Variants in KIFAP3 observed in about 807,000 individuals in gnomAD.
The protein encoded by KIFAP3 is kinesin associated protein 3, also known as kinesin-associated protein 3.
KIFAP3 carries 68 observed loss-of-function variants against 106.5 expected under a neutral mutation model. That is an observed-to-expected ratio of 0.64 (90% CI 0.53 to 0.78). The LOEUF (loss-of-function observed/expected upper bound fraction) is 0.78. KIFAP3 is among the 30% of genes least tolerant of loss of function. The probability of loss-of-function intolerance (pLI) is 0.00; values close to 1 mark genes in which losing one functional copy is unlikely to be tolerated. For missense variants in KIFAP3, 780 were observed against 941.8 expected (o/e 0.83, Z 2.25); for synonymous variants, 320 against 311.5 (o/e 1.03, Z -0.29).
chr1:170,027,077 A>T (rs1357027961), intron 8 of KIFAP3, among the ~76,000 whole-genome samples: 1 of 135,720 alleles, frequency 7.4e-6, no homozygotes, highest in African/African-American at 2.8e-5. Flanking sequence ...CTGGAATGCA[A>T]TGCGTGACCT....
At chr1:169,961,377 T>C (rs1412269595) in intron 17 of KIFAP3, 142 bp from the exon 18 acceptor site, 1 of 573,896 alleles carries the variant, frequency 1.7e-6, no homozygotes, top group Non-Finnish European at 3.1e-6. Context: ...AGGATTATTT[T>C]ATATAATAGC....
rs549376665 is a variant in KIFAP3 at position 169,988,265 on chromosome 1, G to A, written c.1285-3575C>T. On this transcript the variant is annotated intron_variant, in intron 11 of 19. Coordinates refer to ENST00000361580, the MANE Select transcript of KIFAP3 (RefSeq NM_014970.4). Reference sequence around the variant, plus strand: ...AGTACTTAAAATGGACTATAAATGGGTCAAAATGGTGACAAAGATTTTACT... The same window carrying A: ...AGTACTTAAAATGGACTATAAATGGATCAAAATGGTGACAAAGATTTTACT... Among the ~76,000 whole-genome samples the A allele has an allele frequency of 3.7e-4, 56 of 152,016 alleles. 1 individual carries two copies. In the Middle Eastern group the frequency reaches 0.017, roughly 46 times the overall value.
At chr1:169,952,503 A>G (rs1288647590) in intron 19 of KIFAP3, among the ~76,000 whole-genome samples, 1 of 152,064 alleles carries the variant, frequency 6.6e-6, no homozygotes, top group Admixed American at 6.5e-5. Flanking sequence ...ACAAATATGT[A>G]TGTATGCATT....
At chr1:169,928,828 C>T (rs1470687546) in intron 19 of KIFAP3, among the ~76,000 whole-genome samples, 1 of 151,584 alleles carries the variant, frequency 6.6e-6, no homozygotes, top group Non-Finnish European at 1.5e-5. Flanking sequence ...GCAAATTTTG[C>T]CCCCTTAGTA....
At position 170,016,581 on chromosome 1, in the gene KIFAP3, C is replaced by T. The variant is rs762614965; in HGVS notation, c.1064G>A (p.Cys355Tyr). The T allele has an allele frequency of 2.5e-5, 40 of 1,601,694 alleles. No individual in the cohort carries two copies. The highest frequency in any genetic ancestry group is 3.3e-5 in the Non-Finnish European group (39 of 1,175,584). Residue 355 changes from cysteine to tyrosine, a missense_variant, in exon 10 of 20, where the codon TGT (cysteine) becomes TAT (tyrosine). Cys to Tyr is a radical substitution (Grantham distance 194). This residue lies in a region of KIFAP3 where 588 missense variants were observed against 678.9 expected (regional missense o/e 0.87). Transcript: ENST00000361580. The part of the protein sequence containing the change: ...IVEKLVKMIP[C>Y]EHEDLLNITL... ...GATATTCAGCAGGTCTTCATGCTCA[C>T]AAGGTATCATTTTCACCAGTTTTTC...
chr1:169,961,794 C>A (rs748630245), intron 17 of KIFAP3, among the ~76,000 whole-genome samples: 73 of 152,116 alleles, frequency 4.8e-4, no homozygotes, highest in Non-Finnish European at 7.9e-4. Context: ...AAAAATATTC[C>A]TTTCTCTAGC....
At position 169,961,379 on chromosome 1, in the gene KIFAP3, T is replaced by C. The variant is rs991006806; in HGVS notation, c.1984-144A>G. The C allele has an allele frequency of 2.8e-5, 16 of 569,812 alleles. No individual in the cohort carries two copies. In the African/African-American group the frequency reaches 2.8e-4, roughly 10 times the overall value. 35.3% of individuals were successfully genotyped at this position (569,812 alleles called of 1,614,324 possible). A position where few individuals can be genotyped will look rare whatever the true frequency, so the allele number is the denominator to read the frequency against. On this transcript the variant is annotated intron_variant, in intron 17 of 19. Transcript: ENST00000361580. ...CAAATACCTGTTCAGGATTATTTTATATAATAGCCAACAAAAAGCAATTAC... is the reference window on the plus strand; with the variant it reads ...CAAATACCTGTTCAGGATTATTTTACATAATAGCCAACAAAAAGCAATTAC...
In KIFAP3 at chr1:169,954,049, T is replaced by C; in HGVS notation, c.2235A>G (p.Gln745=). ...SPDFFNDYHL[Q]NGDVVGQHSF... ...AATGCTGCCCAACAACATCTCCATT[T>C]TGAAGGTGGTAATCATTGAAGAAAT... Residue 745 remains glutamine, a synonymous_variant, in exon 19 of 20, where the codon CAA becomes CAG. Transcript: ENST00000361580. 6.2e-7 allele frequency: 1 copy of C among 1,613,808 alleles called. No homozygotes were observed. Among genetic ancestry groups the C allele is most frequent in the Non-Finnish European group, 8.5e-7 (1 of 1,179,782 alleles).
At chr1:169,953,287 C>T (rs915346920) in intron 19 of KIFAP3, among the ~76,000 whole-genome samples, 4 of 151,734 alleles carry the variant, frequency 2.6e-5, no homozygotes, top group Admixed American at 6.6e-5. Flanking sequence ...TAATAAAATG[C>T]CATCTAGGGA....
chr1:170,069,170 A>G (rs2102170944), intron 1 of KIFAP3, among the ~76,000 whole-genome samples: 1 of 152,296 alleles, frequency 6.6e-6, no homozygotes, highest in Admixed American at 6.5e-5. Flanking sequence ...CTGACTCAAA[A>G]GACACAGAAA....
chr1:169,957,694 C>A (rs1049868454), intron 18 of KIFAP3, among the ~76,000 whole-genome samples: 1 of 151,660 alleles, frequency 6.6e-6, no homozygotes, highest in Admixed American at 6.6e-5. Context: ...GTGGTGTGAT[C>A]TTGGCACACT....
At chr1:169,944,665 A>G (rs1664330598) in intron 19 of KIFAP3, among the ~76,000 whole-genome samples, 1 of 152,166 alleles carries the variant, frequency 6.6e-6, no homozygotes, top group African/African-American at 2.4e-5. Context: ...CCATTGAGTG[A>G]CAGAACAGCT....
At chr1:170,039,813 C>G (rs920054486) in intron 3 of KIFAP3, among the ~76,000 whole-genome samples, 1 of 151,976 alleles carries the variant, frequency 6.6e-6, no homozygotes, top group Non-Finnish European at 1.5e-5. Flanking sequence ...AAAAGGCAAA[C>G]ATTTATTACG....
chr1:170,038,206 G>T, intron 5 of KIFAP3, 84 bp downstream of exon 5: 1 of 1,075,008 alleles, frequency 9.3e-7, no homozygotes, highest in Non-Finnish European at 1.3e-6. Flanking sequence ...ATAAAGAGCT[G>T]GAAAATATAT....
chr1:169,986,138 T>A (rs1349064653), intron 11 of KIFAP3, among the ~76,000 whole-genome samples: 1 of 151,878 alleles, frequency 6.6e-6, no homozygotes, highest in East Asian at 1.9e-4. Flanking sequence ...ACACAGCGAA[T>A]AATAAATATT....
chr1:170,024,555 T>A lies in KIFAP3; in HGVS notation c.883A>T (p.Thr295Ser). 6.3e-7 allele frequency: 1 copy of A among 1,599,634 alleles called. No individual in the cohort carries two copies. Among genetic ancestry groups the A allele is most frequent in the Non-Finnish European group, 8.5e-7 (1 of 1,173,486 alleles). Reference sequence around the variant, plus strand: ...TTCTTGTTCCTCATTTTCAGTTCGGTACGAGTATCCTCAGCAAGATTCAGA... The same window carrying A: ...TTCTTGTTCCTCATTTTCAGTTCGGAACGAGTATCCTCAGCAAGATTCAGA... ...LLLNLAEDTR[T>S]ELKMRNKNIV... Residue 295 changes from threonine to serine, a missense_variant, in exon 9 of 20, where the codon ACC becomes TCC. Transcript: ENST00000361580.
At chr1:169,960,689 T>C (rs1346675723) in intron 18 of KIFAP3, among the ~76,000 whole-genome samples, 3 of 152,104 alleles carry the variant, frequency 2.0e-5, no homozygotes, top group Admixed American at 2.0e-4. Context: ...AAATGATGAA[T>C]AAATTATGCA....
upstream of KIFAP3, among the ~76,000 whole-genome samples, chr1:170,075,844 C>T (rs1671892206): frequency 6.6e-6 from 1 of 152,180 alleles, no homozygotes; most frequent in South Asian, 2.1e-4. Context: ...TTTCTACATT[C>T]TTACTTCTAC....
intron 1 of KIFAP3, among the ~76,000 whole-genome samples, chr1:170,070,748 C>A (rs900746069): frequency 1.3e-5 from 2 of 152,140 alleles, no homozygotes; most frequent in Non-Finnish European, 2.9e-5. Flanking sequence ...ACCTTCATGA[C>A]CTTGGATTTA....
Sources: allele counts gnomAD v4.1 joint callset (sites outside exome capture counted in the v4.1 genomes callset), GRCh38; gene constraint gnomAD v4.1.1; regional missense constraint gnomAD v4.1.1; transcripts MANE v1.5; gene names NCBI Gene and HGNC (gene_info 2026-07-23, HGNC 2026-07-21).